The following CFAP92 variants were observed in gnomAD, a reference collection of about 807,000 sequenced individuals.
The protein encoded by CFAP92 is uncharacterized protein CFAP92.
CFAP92 carries 86 observed loss-of-function variants against 106.3 expected under a neutral mutation model. The observed-to-expected ratio is 0.81, with a 90% CI of 0.68 to 0.97. The LOEUF (loss-of-function observed/expected upper bound fraction) is 0.97, where lower values mean the gene tolerates loss of function less well. Ranked by LOEUF, CFAP92 falls within the 50% of genes least tolerant of loss-of-function variation. The probability of loss-of-function intolerance (pLI) is 0.00; values close to 1 mark genes in which losing one functional copy is unlikely to be tolerated. For synonymous variants in CFAP92, 477 were observed against 506.4 expected, an observed-to-expected ratio of 0.94 and a Z score of 0.78; for missense variants, 1,204 against 1,283.8, an observed-to-expected ratio of 0.94 and a Z score of 0.95.
Position 128,932,944 on chromosome 3 carries a change from T to C in CFAP92, c.2507A>G (p.Asp836Gly), listed in dbSNP as rs746959953. The C allele has an allele frequency of 6.5e-7, 1 of 1,536,086 alleles. No individual in the cohort carries two copies. ...TATCATAGCAGAGGAGGGCAGCAGG[T>C]CCCTCACCGTCACGTCCCAGAGGGT... is the stretch of plus-strand genomic sequence containing the variant. The part of the protein sequence containing the change: ...STTLWDVTVR[D>G]LLPSSAMIKD... The change falls in exon 12 of 16, where the codon GAC becomes GGC. Residue 836 changes from aspartate (D) to glycine (G), a missense_variant. Transcript: ENST00000645291.
intron 4 of CFAP92, among the ~76,000 whole-genome samples, chr3:128,986,168 T>C (rs16852884): frequency 0.053 from 8,071 of 152,086 alleles, 234 homozygotes; most frequent in Non-Finnish European, 0.062. Context: ...AGGATAATTA[T>C]ACTCGTCTGG....
At chr3:128,962,604 G>T (rs1380761803) in intron 9 of CFAP92, among the ~76,000 whole-genome samples, 4 of 151,786 alleles carry the variant, frequency 2.6e-5, no homozygotes, top group Admixed American at 2.0e-4. Context: ...AAGTATAAGA[G>T]ACCTCTACTC....
exon 1 of CFAP92, chr3:129,002,674 C>T (rs1471188645): frequency 3.3e-6 from 1 of 303,592 alleles, no homozygotes; most frequent in Non-Finnish European, 6.0e-6. Flanking sequence ...CAACAAGCAT[C>T]TTTCTCTCTC....
intron 11 of CFAP92, among the ~76,000 whole-genome samples, chr3:128,933,431 G>T (rs577445762): frequency 6.6e-6 from 1 of 152,228 alleles, no homozygotes; most frequent in East Asian, 1.9e-4. Context: ...CCTCAGCAAA[G>T]CTCAAGGACC....
chr3:128,940,747 T>C (rs1388955226), intron 10 of CFAP92, among the ~76,000 whole-genome samples: 4 of 152,190 alleles, frequency 2.6e-5, no homozygotes, highest in Non-Finnish European at 5.9e-5. Flanking sequence ...AGTTTTATCA[T>C]GAGTCTTGAT....
At chr3:128,924,392 C>T (rs564553498) in intron 12 of CFAP92, among the ~76,000 whole-genome samples, 1 of 147,912 alleles carries the variant, frequency 6.8e-6, no homozygotes, top group African/African-American at 2.5e-5. Context: ...CTTGCTGGCT[C>T]CTTCCTTCTA....
chr3:128,935,449 C>T (rs908523865), intron 10 of CFAP92, 130 bp from the exon 11 acceptor site: 23 of 552,712 alleles, frequency 4.2e-5, no homozygotes, highest in African/African-American at 3.0e-4. Flanking sequence ...TGGTGACTCA[C>T]GCCTATAATC....
At chr3:128,987,946 G>T (rs927196295) in intron 3 of CFAP92, 117 bp from the exon 4 acceptor site, 19 of 769,774 alleles carry the variant, frequency 2.5e-5, no homozygotes, top group Non-Finnish European at 3.7e-5. Context: ...TGACTTCAGT[G>T]CCTGGTCACT....
intron 1 of CFAP92, chr3:129,002,540 C>A: frequency 3.2e-6 from 3 of 936,122 alleles, no homozygotes; most frequent in Non-Finnish European, 4.4e-6. Flanking sequence ...CTATTCCATT[C>A]CTGAAAACCC....
In CFAP92 at chr3:128,992,246, A is replaced by G. The variant is rs537325333; in HGVS notation, c.262+797T>C. ...AATTGATACACCTTTACATTCAGAG[A>G]TTGATTCAACAGATCAGAGAAAATG... On this transcript the variant is annotated intron_variant, in intron 2 of 15. Transcript: ENST00000645291. Among the ~76,000 whole-genome samples the G allele has an allele frequency of 2.0e-5, 3 of 152,140 alleles. No individual in the cohort carries two copies. In the East Asian group the frequency reaches 5.8e-4, roughly 29 times the overall value.
At position 128,945,292 on chromosome 3, in the gene CFAP92, G is replaced by A; in HGVS notation, c.2037C>T (p.Asp679=). 6.5e-7 allele frequency: 1 copy of A among 1,536,170 alleles called. No individual in the cohort carries two copies. The highest frequency in any genetic ancestry group is 8.7e-7 in the Non-Finnish European group (1 of 1,146,916). Residue 679 remains aspartate, a synonymous_variant, in exon 10 of 16, where the codon GAC becomes GAT. Transcript: ENST00000645291. The stretch of plus-strand genomic sequence containing the variant: ...GGGCCTTAGCGTTGATCATGGTGAT[G>A]TCCTGCAGCAGGCTGTGGAGCAGGG... ...KVSLLHSLLQ[D]ITMINAKALG...
Position 128,999,760 on chromosome 3 carries a change from C to A in CFAP92, n.117+2814G>T, listed in dbSNP as rs564986878. The stretch of plus-strand genomic sequence containing the variant: ...GGTTCACTATGTTGTCCAGGCTGTT[C>A]TCGAACTCTTGACCTCAGGCAATCC... On this transcript the variant is annotated intron_variant and non_coding_transcript_variant, in intron 1 of 4. Transcript: ENST00000510149. 5.3e-5 allele frequency among the ~76,000 whole-genome samples: 8 copies of A among 152,070 alleles called. No individual in the cohort carries two copies. The East Asian group carries it at 1.5e-3, about 29-fold the overall frequency.
intron 1 of CFAP92, chr3:129,002,291 G>T: frequency 2.0e-6 from 3 of 1,527,160 alleles, no homozygotes; most frequent in Non-Finnish European, 2.6e-6. Flanking sequence ...GCGCCGCGCT[G>T]CAGAGCAGTG....
At chr3:128,990,552 T>C (rs1329459745) in intron 2 of CFAP92, among the ~76,000 whole-genome samples, 1 of 152,196 alleles carries the variant, frequency 6.6e-6, no homozygotes, top group Non-Finnish European at 1.5e-5. Flanking sequence ...ATAATCTAAA[T>C]CATGTCAAAA....
chr3:128,995,249 C>T (rs543731297), upstream of CFAP92, among the ~76,000 whole-genome samples: 35 of 152,308 alleles, frequency 2.3e-4, no homozygotes, highest in African/African-American at 7.7e-4. Context: ...CTCCCCAGAC[C>T]GCTCTCAGGG....
chr3:128,988,658 C>T (rs1181251257), intron 3 of CFAP92, 70 bp downstream of exon 3: 1 of 1,495,262 alleles, frequency 6.7e-7, no homozygotes, highest in Non-Finnish European at 9.2e-7. Context: ...TGTTGCATAT[C>T]CATGGAGCAG....
rs778405104 is a variant in CFAP92 at position 128,910,021 on chromosome 3, A to C, written c.*278T>G. The C allele has an allele frequency of 1.2e-6, 2 of 1,613,470 alleles. No individual in the cohort carries two copies. The highest frequency in any genetic ancestry group is 2.2e-5 in the East Asian group (1 of 44,882). On this transcript the variant is annotated 3_prime_UTR_variant, in exon 16 of 16. Transcript: ENST00000645291. ...CCACTTGGAGCCTCTGTGATCCCAGACCATCATGGAGGAGCAGCTGGTACT... is the reference window on the plus strand; with the variant it reads ...CCACTTGGAGCCTCTGTGATCCCAGCCCATCATGGAGGAGCAGCTGGTACT...
At chr3:129,009,101 T>C in the CFAP92 span, among the ~76,000 whole-genome samples, 1 of 152,338 alleles carries the variant, frequency 6.6e-6, no homozygotes, top group African/African-American at 2.4e-5. Flanking sequence ...ATTCAATCCC[T>C]GCCCAACCAA....
intron 4 of CFAP92, among the ~76,000 whole-genome samples, chr3:128,979,266 G>A: frequency 6.6e-6 from 1 of 152,200 alleles, no homozygotes; most frequent in East Asian, 1.9e-4. Context: ...ACACCAGTTA[G>A]AATGGCGATC....
Sources: gnomAD v4.1 joint callset for allele counts (sites outside exome capture counted in the v4.1 genomes callset) on GRCh38, gnomAD v4.1.1 for gene constraint, MANE v1.5 for transcripts, NCBI Gene and HGNC (gene_info 2026-07-23, HGNC 2026-07-21) for gene names.